Variants in FAT3 observed in about 807,000 individuals in gnomAD.
FAT3 encodes the protein FAT atypical cadherin 3.
In FAT3, 95 loss-of-function variants were observed where a neutral mutation model predicts 310.2. That is an observed-to-expected ratio of 0.31 (90% CI 0.26 to 0.36). FAT3 has a LOEUF of 0.36. FAT3 is among the 10% of genes least tolerant of loss of function. The probability of loss-of-function intolerance (pLI) is 1.00; values close to 1 mark genes in which losing one functional copy is unlikely to be tolerated. For synonymous variants in FAT3, 2,314 were observed against 2,192.9 expected, an observed-to-expected ratio of 1.06 and a Z score of -1.54; for missense variants, 5,408 against 5,715.6, an observed-to-expected ratio of 0.95 and a Z score of 1.74.
chr11:92,879,523 T>C (rs1229483807), intron 22 of FAT3, among the ~76,000 whole-genome samples: 2 of 152,216 alleles, frequency 1.3e-5, no homozygotes, highest in Admixed American at 1.3e-4. Flanking sequence ...CACTGGACAT[T>C]TTTTAACTCC....
intron 25 of FAT3, among the ~76,000 whole-genome samples, chr11:92,888,300 T>A (rs1430149085): frequency 6.6e-6 from 1 of 152,176 alleles, no homozygotes; most frequent in African/African-American, 2.4e-5. Context: ...TGTATCCTCT[T>A]TTCCTCCTCC....
chr11:92,747,443 C>T (rs1373761280), intron 4 of FAT3, among the ~76,000 whole-genome samples: 2 of 152,204 alleles, frequency 1.3e-5, no homozygotes, highest in Non-Finnish European at 2.9e-5. Flanking sequence ...GCCCACAAAA[C>T]CATTTTTTCC....
rs565274871 is a variant in FAT3 at position 92,652,931 on chromosome 11, G to A, written c.3608-44453G>A. ...TAATCCCAGCAGTTTGGGAAGCCGA[G>A]GCGGGTAGATCACCTGAGGTCAGGA... On this transcript the variant is annotated intron_variant, in intron 3 of 27. Coordinates refer to ENST00000525166, the MANE Select transcript of FAT3 (RefSeq NM_001367949.2). Among the ~76,000 whole-genome samples, 20 of 152,262 alleles carry A rather than the reference G, an allele frequency of 1.3e-4. No individual in the cohort carries two copies. The East Asian group carries it at 3.1e-3, about 24-fold the overall frequency.
At chr11:92,515,850 T>A (rs1953463574) in intron 2 of FAT3, among the ~76,000 whole-genome samples, 1 of 152,116 alleles carries the variant, frequency 6.6e-6, no homozygotes, top group Non-Finnish European at 1.5e-5. Context: ...TGATAGTGGT[T>A]GTAATACTGT....
rs1011253127 is a variant in FAT3 at position 92,887,145 on chromosome 11, T to G, written c.13051+32T>G. ...AGTCATCAGATTTGTTCGGAGCGGG[T>G]GGGTTCTGCTTCCTGTTCTGGAAGA... On this transcript the variant is annotated intron_variant, in intron 25 of 27. Transcript: ENST00000525166. 4.5e-6 allele frequency: 7 copies of G among 1,559,988 alleles called. No individual in the cohort carries two copies. The African/African-American group carries it at 8.1e-5, about 18-fold the overall frequency.
intron 3 of FAT3, among the ~76,000 whole-genome samples, chr11:92,600,161 G>A (rs556956793): frequency 6.6e-6 from 1 of 152,160 alleles, no homozygotes; most frequent in African/African-American, 2.4e-5. Flanking sequence ...ATCACTTACT[G>A]TAGTCAGAAC....
At chr11:92,823,174 T>C (rs1948015156) in intron 13 of FAT3, among the ~76,000 whole-genome samples, 1 of 152,180 alleles carries the variant, frequency 6.6e-6, no homozygotes, top group African/African-American at 2.4e-5. Context: ...GATGAATGAA[T>C]GAATGGATCC....
At chr11:92,242,713 T>C (rs1374822139) in intron 1 of FAT3, among the ~76,000 whole-genome samples, 1 of 152,028 alleles carries the variant, frequency 6.6e-6, no homozygotes, top group Non-Finnish European at 1.5e-5. Flanking sequence ...GTTTCTGAAC[T>C]ACCAGGGAAT....
intron 2 of FAT3, among the ~76,000 whole-genome samples, chr11:92,419,477 CAG>C (rs1396260594): frequency 6.6e-6 from 1 of 152,046 alleles, no homozygotes; most frequent in African/African-American, 2.4e-5. Context: ...ATGCCTAGAA[CAG>C]AGAGTTAGGG....
chr11:92,241,081 A>C (rs1864654501), intron 1 of FAT3, among the ~76,000 whole-genome samples: 1 of 152,140 alleles, frequency 6.6e-6, no homozygotes, highest in Non-Finnish European at 1.5e-5. Context: ...ATTGCTATGC[A>C]AATGAGATTC....
At chr11:92,530,686 C>T (rs1339514611) in intron 3 of FAT3, among the ~76,000 whole-genome samples, 1 of 151,980 alleles carries the variant, frequency 6.6e-6, no homozygotes, top group African/African-American at 2.4e-5. Flanking sequence ...TTCAGACCTA[C>T]TTTAATGAAT....
At chr11:92,642,892 A>G (rs1050683999) in intron 3 of FAT3, among the ~76,000 whole-genome samples, 2 of 152,222 alleles carry the variant, frequency 1.3e-5, no homozygotes, top group African/African-American at 4.8e-5. Flanking sequence ...CTGACAGAAA[A>G]TGGAACAGAG....
chr11:92,662,009 A>AT (rs1260817841), intron 3 of FAT3, among the ~76,000 whole-genome samples: 1 of 152,026 alleles, frequency 6.6e-6, no homozygotes, highest in African/African-American at 2.4e-5. Flanking sequence ...GAAGAACTCT[A>AT]TTTTTTTCTA....
intron 2 of FAT3, among the ~76,000 whole-genome samples, chr11:92,505,734 G>T (rs1953079803): frequency 6.6e-6 from 1 of 152,092 alleles, no homozygotes; most frequent in South Asian, 2.1e-4. Flanking sequence ...ATTGTTAATA[G>T]ATGTGATAAA....
chr11:92,460,090 A>G (rs181694200), intron 2 of FAT3, among the ~76,000 whole-genome samples: 7 of 152,236 alleles, frequency 4.6e-5, no homozygotes, highest in East Asian at 1.9e-4. Flanking sequence ...TTTTCCTCCA[A>G]TGATGCCTGC....
chr11:92,862,720 A>T (rs1005114802), intron 21 of FAT3, among the ~76,000 whole-genome samples: 41 of 152,246 alleles, frequency 2.7e-4, no homozygotes, highest in Admixed American at 2.6e-3. Context: ...GAATGTCACC[A>T]AAAAATAAGT....
intron 2 of FAT3, among the ~76,000 whole-genome samples, chr11:92,499,723 A>ATGTGTGTGTGTGTGTG (rs61267708): frequency 0.022 from 2,862 of 127,716 alleles, 109 homozygotes; most frequent in African/African-American, 0.072. Context: ...ATGTGTGTGT[A>ATGTGTGTGTGTGTGTG]TGTGTGTGTG....
At chr11:92,467,371 A>G (rs1304495107) in intron 2 of FAT3, among the ~76,000 whole-genome samples, 1 of 152,050 alleles carries the variant, frequency 6.6e-6, no homozygotes, top group Non-Finnish European at 1.5e-5. Context: ...CTGCATAAAT[A>G]TCTTTTGACA....
chr11:92,442,081 T>TTTTATATATATA (rs1355599282), intron 2 of FAT3, among the ~76,000 whole-genome samples: 8 of 69,990 alleles, frequency 1.1e-4, no homozygotes, highest in African/African-American at 5.8e-4. Context: ...AATATATATT[T>TTTTATATATATA]TATATATATA....
Sources: gnomAD v4.1 joint callset for allele counts (sites outside exome capture counted in the v4.1 genomes callset) on GRCh38, gnomAD v4.1.1 for gene constraint, MANE v1.5 for transcripts, NCBI Gene and HGNC (gene_info 2026-07-23, HGNC 2026-07-21) for gene names.